The following GLOD4 variants were observed in gnomAD, a reference collection of about 807,000 sequenced individuals.
The protein encoded by GLOD4 is glyoxalase domain-containing protein 4.
In GLOD4, 44 loss-of-function variants were observed where a neutral mutation model predicts 39.1. The ratio of observed to expected loss-of-function variants is 1.13; its 90% CI spans 0.88 to 1.45. GLOD4 has a LOEUF of 1.45. Among genes scored for constraint, GLOD4 ranks in the 40% most tolerant of loss-of-function variants. GLOD4 has a pLI of 0.00. For missense variants in GLOD4, 405 were observed against 366.4 expected, an observed-to-expected ratio of 1.11 and a Z score of -0.86; for synonymous variants, 145 against 135.0, an observed-to-expected ratio of 1.07 and a Z score of -0.52.
At position 769,743 on chromosome 17, in the gene GLOD4, C is replaced by T. The variant is rs544906354; in HGVS notation, c.831+126G>A. ...GACATCGGTCCTTGGCTGAGGTCAA[C>T]CCAACAGCGAAAGGACGTGGTTCTG... On this transcript the variant is annotated intron_variant, in intron 8 of 8. Coordinates refer to ENST00000301329, the MANE Select transcript of GLOD4 (RefSeq NM_016080.4). 14 of 687,426 alleles carry T rather than the reference C, an allele frequency of 2.0e-5. No homozygotes were observed. In the South Asian group the frequency reaches 2.3e-4, roughly 11 times the overall value. The allele number at this position is 687,426 out of a possible 1,614,324, so 42.6% of individuals were successfully genotyped here.
chr17:784,321 C>T (rs1910433824), upstream of GLOD4, among the ~76,000 whole-genome samples: 1 of 152,174 alleles, frequency 6.6e-6, no homozygotes, highest in Non-Finnish European at 1.5e-5. Context: ...CTCTTAGATC[C>T]TAGGATGGGG....
At chr17:769,587 CG>C (rs1469935479) in intron 8 of GLOD4, among the ~76,000 whole-genome samples, 2 of 151,116 alleles carry the variant, frequency 1.3e-5, no homozygotes, top group Non-Finnish European at 3.0e-5. Flanking sequence ...CTGAGGGGGT[CG>C]GATAGAGGCA....
intron 8 of GLOD4, among the ~76,000 whole-genome samples, chr17:767,684 C>T (rs1010098187): frequency 2.1e-5 from 3 of 145,504 alleles, no homozygotes; most frequent in Non-Finnish European, 3.0e-5. Flanking sequence ...AGAGAAACAG[C>T]GCGCATTCAG....
upstream of GLOD4, chr17:782,649 G>C (rs1445477613): frequency 6.2e-7 from 1 of 1,613,170 alleles, no homozygotes; most frequent in Non-Finnish European, 8.5e-7. Flanking sequence ...GGAAGAGTCT[G>C]GGCTTCGCTA....
At chr17:769,591 T>C (rs1195902030) in intron 8 of GLOD4, among the ~76,000 whole-genome samples, 1 of 151,666 alleles carries the variant, frequency 6.6e-6, no homozygotes, top group Non-Finnish European at 1.5e-5. Flanking sequence ...GGGGGTCGGA[T>C]AGAGGCATCT....
At chr17:783,056 G>T, upstream of GLOD4, 1 of 1,352,222 alleles carries the variant, frequency 7.4e-7, no homozygotes, top group Non-Finnish European at 1.0e-6. Flanking sequence ...ATAGTTACCT[G>T]TTTTTTTTTT....
intron 1 of GLOD4, among the ~76,000 whole-genome samples, chr17:781,514 CCGT>C (rs1294682180): frequency 2.0e-5 from 3 of 152,154 alleles, no homozygotes; most frequent in African/African-American, 7.2e-5. Flanking sequence ...GTCTATTGCA[CCGT>C]CTATACACTA....
chr17:760,576 G>T (rs908431394), intron 8 of GLOD4, among the ~76,000 whole-genome samples: 3 of 152,202 alleles, frequency 2.0e-5, no homozygotes, highest in African/African-American at 7.2e-5. Flanking sequence ...ATGCCAGGCG[G>T]TAGGATCTCT....
chr17:783,122 A>G, upstream of GLOD4: 1 of 1,614,094 alleles, frequency 6.2e-7, no homozygotes, highest in East Asian at 2.2e-5. Context: ...CATTTCGGGA[A>G]AAACAAGGGA....
intron 1 of GLOD4, among the ~76,000 whole-genome samples, chr17:781,000 A>C (rs1909848951): frequency 6.9e-6 from 1 of 144,600 alleles, no homozygotes; most frequent in Non-Finnish European, 1.5e-5. Flanking sequence ...GGCTCACTGC[A>C]ACCTCCGCCT....
chr17:779,188 G>A (rs1909439814), intron 1 of GLOD4, among the ~76,000 whole-genome samples: 1 of 151,884 alleles, frequency 6.6e-6, no homozygotes, highest in Admixed American at 6.6e-5. Flanking sequence ...GGTGGCGTGT[G>A]CTTGTGATCC....
At chr17:781,469 A>G (rs151127405) in intron 1 of GLOD4, among the ~76,000 whole-genome samples, 5 of 152,364 alleles carry the variant, frequency 3.3e-5, no homozygotes, top group African/African-American at 1.2e-4. Flanking sequence ...AAAATAGCAG[A>G]TATTTTAAAA....
chr17:767,893 G>C (rs1906965082), intron 8 of GLOD4, among the ~76,000 whole-genome samples: 1 of 145,344 alleles, frequency 6.9e-6, no homozygotes, highest in Non-Finnish European at 1.5e-5. Flanking sequence ...GGACGTAAGA[G>C]AGAGAAACAG....
chr17:764,904 G>T (rs977226717), intron 8 of GLOD4: 4 of 151,118 alleles, frequency 2.6e-5, no homozygotes, highest in Middle Eastern at 3.4e-3. Flanking sequence ...CTACTCGGTA[G>T]GCTGAGGCAG....
At chr17:767,673 G>T (rs72477050) in intron 8 of GLOD4, among the ~76,000 whole-genome samples, 1 of 149,152 alleles carries the variant, frequency 6.7e-6, no homozygotes, top group Non-Finnish European at 1.5e-5. Context: ...GGACGTGAGA[G>T]AGAGAAACAG....
At chr17:784,963 A>G (rs1007612643), upstream of GLOD4, among the ~76,000 whole-genome samples, 1 of 152,166 alleles carries the variant, frequency 6.6e-6, no homozygotes, top group Non-Finnish European at 1.5e-5. Flanking sequence ...AGAATCCTAA[A>G]TCTTTGATTG....
In GLOD4 at chr17:775,842, A is replaced by G. The variant is rs1597586148; in HGVS notation, c.339T>C (p.Gly113=). Residue 113 remains glycine (G), a synonymous_variant, in exon 4 of 9, where the codon GGT becomes GGC. Transcript: ENST00000301329. ...LEWPLTEVAE[G]VFETEAPGGY... is the part of the protein sequence containing the mutation. Reference sequence around the variant, plus strand: ...CTCCCGGGGCCTCGGTTTCAAAAACACCTTCTGCAACTTCCGTCAGTGGCC... The same window carrying G: ...CTCCCGGGGCCTCGGTTTCAAAAACGCCTTCTGCAACTTCCGTCAGTGGCC... 6.2e-7 allele frequency: 1 copy of G among 1,613,726 alleles called. No homozygotes were observed. The highest frequency in any genetic ancestry group is 8.5e-7 in the Non-Finnish European group (1 of 1,179,654).
rs1349869848 is a variant in GLOD4 at position 777,002 on chromosome 17, G to A, written c.141-14C>T. The A allele has an allele frequency of 6.2e-7, 1 of 1,611,268 alleles. No individual in the cohort carries two copies. Among genetic ancestry groups the A allele is most frequent in the Admixed American group, 1.7e-5 (1 of 60,012 alleles). On this transcript the variant is annotated splice_polypyrimidine_tract_variant and intron_variant, in intron 2 of 8. Transcript: ENST00000301329. ...CCATCATAAGGCCTAGAAAATAAAA[G>A]TAAATGAACTCAGTGACTACAGACA...
intron 3 of GLOD4, 125 bp downstream of exon 3, chr17:776,743 G>T: frequency 1.3e-6 from 1 of 740,774 alleles, no homozygotes; most frequent in Non-Finnish European, 2.3e-6. Flanking sequence ...CTAACTCCCT[G>T]ACCTCTTTTG....
Sources: allele counts gnomAD v4.1 joint callset (sites outside exome capture counted in the v4.1 genomes callset), GRCh38; gene constraint gnomAD v4.1.1; transcripts MANE v1.5; gene names NCBI Gene and HGNC (gene_info 2026-07-23, HGNC 2026-07-21).